The following BMAL2 variants were observed in gnomAD, a reference collection of about 807,000 sequenced individuals.
BMAL2 encodes the protein basic helix-loop-helix ARNT like 2.
At chr12:27,406,074 C>T in the BMAL2 span, among the ~76,000 whole-genome samples, 1 of 152,102 alleles carries the variant, frequency 6.6e-6, no homozygotes, top group East Asian at 1.9e-4. Context: ...ACAAAGCCTC[C>T]AAGAAATATG....
chr12:27,380,208 T>C, the BMAL2 span: 1 of 1,603,950 alleles, frequency 6.2e-7, no homozygotes, highest in Non-Finnish European at 8.5e-7. Context: ...GGGGGTCTGC[T>C]GAATGTTAAA....
chr12:27,343,994 T>C, the BMAL2 span, among the ~76,000 whole-genome samples: 3 of 152,240 alleles, frequency 2.0e-5, no homozygotes, highest in Non-Finnish European at 4.4e-5. Flanking sequence ...GTTAAAATTC[T>C]TCATCTTTAT....
At chr12:27,360,803 C>CAAAAAAA in the BMAL2 span, among the ~76,000 whole-genome samples, 2,081 of 46,708 alleles carry the variant, frequency 0.045, 390 homozygotes, top group Non-Finnish European at 0.062. Flanking sequence ...GTGATTTGTC[C>CAAAAAAA]AAAAAAAAAA....
the BMAL2 span, among the ~76,000 whole-genome samples, chr12:27,404,617 C>T: frequency 9.2e-5 from 14 of 152,068 alleles, no homozygotes; most frequent in Admixed American, 8.5e-4. Context: ...TAAAGCTTTT[C>T]GGGTGGAGCC....
At chr12:27,332,919 C>G in the BMAL2 span, 3 of 367,418 alleles carry the variant, frequency 8.2e-6, no homozygotes, top group Non-Finnish European at 1.2e-5. Context: ...TGCGCGCCTA[C>G]GGGCTGCGGT....
chr12:27,344,379 G>T, the BMAL2 span, among the ~76,000 whole-genome samples: 1 of 152,160 alleles, frequency 6.6e-6, no homozygotes, highest in Non-Finnish European at 1.5e-5. Flanking sequence ...GTGATGTTTG[G>T]CATGTGTATT....
the BMAL2 span, among the ~76,000 whole-genome samples, chr12:27,403,712 A>G: frequency 2.6e-5 from 4 of 152,184 alleles, no homozygotes; most frequent in African/African-American, 9.7e-5. Flanking sequence ...AGAAATATTC[A>G]TACCAACATG....
At chr12:27,382,351 A>G in the BMAL2 span, among the ~76,000 whole-genome samples, 1 of 152,224 alleles carries the variant, frequency 6.6e-6, no homozygotes, top group Admixed American at 6.5e-5. Context: ...TGCTGAGAAT[A>G]TAAAAATTAA....
chr12:27,370,301 T>C, the BMAL2 span: 7 of 1,141,556 alleles, frequency 6.1e-6, no homozygotes, highest in Non-Finnish European at 9.2e-6. Context: ...AGTGAAAACA[T>C]GATACACGTC....
At chr12:27,339,697 T>C in the BMAL2 span, among the ~76,000 whole-genome samples, 1 of 151,828 alleles carries the variant, frequency 6.6e-6, no homozygotes, top group African/African-American at 2.4e-5. Context: ...CGATCTCTGC[T>C]CACTGCAAGC....
chr12:27,411,220 C>A, the BMAL2 span, among the ~76,000 whole-genome samples: 3 of 152,034 alleles, frequency 2.0e-5, no homozygotes, highest in African/African-American at 7.2e-5. Context: ...CTGGACAACC[C>A]ATGCTCAAGC....
At chr12:27,413,392 GAAAT>G in the BMAL2 span, among the ~76,000 whole-genome samples, 3 of 152,198 alleles carry the variant, frequency 2.0e-5, no homozygotes, top group Non-Finnish European at 2.9e-5. Flanking sequence ...AATGTGGAGA[GAAAT>G]AAAGTGTAGA....
chr12:27,415,938 C>T, the BMAL2 span: 1 of 1,590,378 alleles, frequency 6.3e-7, no homozygotes, highest in South Asian at 1.1e-5. Flanking sequence ...ATACTGTAAA[C>T]TGCAGGAGTG....
chr12:27,363,350 C>G, the BMAL2 span, among the ~76,000 whole-genome samples: 1 of 152,122 alleles, frequency 6.6e-6, no homozygotes, highest in South Asian at 2.1e-4. Flanking sequence ...GAGGGGAATG[C>G]CAAGTCATAT....
the BMAL2 span, chr12:27,380,360 T>G: frequency 1.2e-6 from 2 of 1,614,164 alleles, no homozygotes; most frequent in Non-Finnish European, 1.7e-6. Flanking sequence ...CTGGACAAAC[T>G]TACAGTTTTA....
chr12:27,343,136 C>T, the BMAL2 span, among the ~76,000 whole-genome samples: 5 of 152,248 alleles, frequency 3.3e-5, no homozygotes, highest in South Asian at 4.1e-4. Context: ...CATATTATGC[C>T]GAGATCGTAT....
chr12:27,420,019 G>GCGCGCGCGCGCGCGCGCGCACACACA, the BMAL2 span, among the ~76,000 whole-genome samples: 2 of 147,474 alleles, frequency 1.4e-5, no homozygotes, highest in Admixed American at 6.8e-5. Context: ...GTTTGCGCGT[G>GCGCGCGCGCGCGCGCGCGCACACACA]CACACACACA....
chr12:27,391,269 A>G, the BMAL2 span, among the ~76,000 whole-genome samples: 4 of 151,970 alleles, frequency 2.6e-5, no homozygotes, highest in Non-Finnish European at 4.4e-5. Context: ...TTTAGCTCCT[A>G]CTTATAAGTG....
chr12:27,401,224 A>G, the BMAL2 span: 6 of 1,523,848 alleles, frequency 3.9e-6, no homozygotes, highest in Non-Finnish European at 5.5e-6. Context: ...TACACTCACC[A>G]CTTCTGAAGT....
Sources: allele counts gnomAD v4.1 joint callset (sites outside exome capture counted in the v4.1 genomes callset), GRCh38; gene constraint gnomAD v4.1.1; transcripts MANE v1.5; gene names NCBI Gene and HGNC (gene_info 2026-07-23, HGNC 2026-07-21).